MTBP: variants seen among roughly 807,000 people sequenced by gnomAD.
The protein encoded by MTBP is MDM2 binding protein, also known as mdm2-binding protein.
MTBP carries 101 observed loss-of-function variants against 117.0 expected under a neutral mutation model. The observed-to-expected ratio is 0.86, with a 90% CI of 0.73 to 1.02. MTBP has a LOEUF of 1.02. MTBP is among the 50% of genes least tolerant of loss of function. The probability of loss-of-function intolerance (pLI) is 0.00; values close to 1 mark genes in which losing one functional copy is unlikely to be tolerated. For synonymous variants in MTBP, 350 were observed against 351.5 expected (o/e 1.00, Z 0.05); for missense variants, 970 against 1,030.9 (o/e 0.94, Z 0.81).
intron 20 of MTBP, among the ~76,000 whole-genome samples, chr8:120,521,588 A>G (rs1815007979): frequency 6.6e-6 from 1 of 152,200 alleles, no homozygotes; most frequent in South Asian, 2.1e-4. Context: ...TAAATAAGGG[A>G]AAAACCTGAA....
intron 11 of MTBP, among the ~76,000 whole-genome samples, chr8:120,483,302 T>G (rs891619146): frequency 1.3e-5 from 2 of 152,122 alleles, no homozygotes; most frequent in African/African-American, 4.8e-5. Context: ...CCTCCTAAGA[T>G]GCCTACATTG....
At chr8:120,521,575 G>A (rs1371477920) in intron 20 of MTBP, among the ~76,000 whole-genome samples, 2 of 152,274 alleles carry the variant, frequency 1.3e-5, no homozygotes, top group Admixed American at 6.5e-5. Flanking sequence ...AAACATTAAG[G>A]TATAAATAAG....
chr8:120,511,641 G>A (rs13269329), intron 17 of MTBP, among the ~76,000 whole-genome samples: 80,471 of 151,948 alleles, frequency 0.53, 24,585 homozygotes, highest in Non-Finnish European at 0.67. Flanking sequence ...ATTTAAGTGG[G>A]AACATCTTGT....
chr8:120,462,987 G>C (rs1049954736), intron 9 of MTBP, among the ~76,000 whole-genome samples: 12 of 151,850 alleles, frequency 7.9e-5, no homozygotes, highest in African/African-American at 2.9e-4. Context: ...ATAATATTCA[G>C]TATACTTTTT....
At chr8:120,450,953 T>G in intron 2 of MTBP, 50 bp from the exon 3 acceptor site, 1 of 1,328,706 alleles carries the variant, frequency 7.5e-7, no homozygotes, top group Non-Finnish European at 1.1e-6. Context: ...CTGTGTCATC[T>G]GCTTATTTAT....
chr8:120,452,870 T>C (rs1813388343), intron 4 of MTBP: 1 of 151,582 alleles, frequency 6.6e-6, no homozygotes, highest in Non-Finnish European at 1.5e-5. Context: ...TATAAAAGTT[T>C]CTGATAAGTG....
chr8:120,453,872 T>A lies in MTBP; in HGVS notation c.451T>A (p.Leu151Met). ...TCTCTATGAAGAAGCTGCAGAAAATTTGCATCAGCTGTCAGACAAGCTTCC... is the reference window on the plus strand; with the variant it reads ...TCTCTATGAAGAAGCTGCAGAAAATATGCATCAGCTGTCAGACAAGCTTCC... Reference protein sequence around the residue: ...ADLYEEAAENLHQLSDKLPAP... With the variant: ...ADLYEEAAENMHQLSDKLPAP... Residue 151 changes from leucine (L) to methionine (M), a missense_variant, in exon 5 of 22, where the codon TTG becomes ATG. Leu to Met is a conservative substitution (Grantham distance 15). Coordinates refer to ENST00000305949, the MANE Select transcript of MTBP (RefSeq NM_022045.5). The A allele has an allele frequency of 6.3e-7, 1 of 1,585,200 alleles. No homozygotes were observed. Among genetic ancestry groups the A allele is most frequent in the Non-Finnish European group, 8.6e-7 (1 of 1,163,234 alleles).
chr8:120,508,006 T>C (rs1252314052), intron 16 of MTBP, among the ~76,000 whole-genome samples: 2 of 152,268 alleles, frequency 1.3e-5, no homozygotes, highest in East Asian at 3.9e-4. Context: ...TCTAGATGCA[T>C]TGTAGGGGAG....
rs570019538 is a variant in MTBP at position 120,516,973 on chromosome 8, T to C, written c.2246+782T>C. 2.0e-5 allele frequency among the ~76,000 whole-genome samples: 3 copies of C among 152,154 alleles called. No individual in the cohort carries two copies. The East Asian group carries it at 5.8e-4, about 29-fold the overall frequency. On this transcript the variant is annotated intron_variant, in intron 18 of 21. Transcript: ENST00000305949. ...GACTTTATAAATTCATGGTACTTTTTATACCTGATAAAATTAAAAAGCAGC... is the reference window on the plus strand; with the variant it reads ...GACTTTATAAATTCATGGTACTTTTCATACCTGATAAAATTAAAAAGCAGC...
intron 10 of MTBP, among the ~76,000 whole-genome samples, chr8:120,468,325 G>A (rs1586946588): frequency 6.6e-6 from 1 of 152,230 alleles, no homozygotes; most frequent in Admixed American, 6.5e-5. Context: ...TGAATTTTAA[G>A]TCATTATAAC....
intron 11 of MTBP, among the ~76,000 whole-genome samples, chr8:120,486,787 C>T (rs1814228049): frequency 6.6e-6 from 1 of 152,148 alleles, no homozygotes; most frequent in Non-Finnish European, 1.5e-5. Context: ...AAAACTAAGC[C>T]ACAACCTGCT....
intron 14 of MTBP, among the ~76,000 whole-genome samples, chr8:120,498,129 C>T (rs1387100966): frequency 1.3e-5 from 2 of 152,136 alleles, no homozygotes; most frequent in South Asian, 4.1e-4. Flanking sequence ...TCAAATCTCA[C>T]TTTTGTTACT....
chr8:120,489,014 C>A (rs933045783), intron 12 of MTBP, among the ~76,000 whole-genome samples: 16 of 147,500 alleles, frequency 1.1e-4, no homozygotes, highest in Non-Finnish European at 2.4e-4. Flanking sequence ...GGCTTCCTTA[C>A]AATATCATGG....
chr8:120,446,341 A>G, intron 1 of MTBP, 92 bp from the exon 2 acceptor site: 1 of 770,896 alleles, frequency 1.3e-6, no homozygotes, highest in South Asian at 1.4e-5. Flanking sequence ...TGTACAACCT[A>G]CTGGTCTTGA....
chr8:120,458,605 T>C (rs894578780), intron 7 of MTBP, among the ~76,000 whole-genome samples: 3 of 151,994 alleles, frequency 2.0e-5, no homozygotes, highest in African/African-American at 7.3e-5. Context: ...TTTGGGAGGC[T>C]GAGGCAGGTG....
chr8:120,517,129 C>T lies in MTBP; in HGVS notation c.2247-722C>T, dbSNP rs1814933770. On this transcript the variant is annotated intron_variant, in intron 18 of 21. Transcript: ENST00000305949. ...TCAGCAGAATTGAGGGCTATAAGAC[C>T]CTATCTTGTAAAGGGAAAAATTTGG... is the stretch of plus-strand genomic sequence containing the variant. 2.0e-5 allele frequency among the ~76,000 whole-genome samples: 3 copies of T among 151,710 alleles called. 1 individual carries two copies. Among genetic ancestry groups the T allele is most frequent in the Non-Finnish European group, 2.9e-5 (2 of 67,870 alleles).
intron 2 of MTBP, 69 bp from the exon 3 acceptor site, chr8:120,450,934 G>T: frequency 9.5e-7 from 1 of 1,053,190 alleles, no homozygotes; most frequent in Non-Finnish European, 1.5e-6. Context: ...TGTAAGTACG[G>T]TATATATGCT....
rs747432144 is a variant in MTBP, at chr8:120,522,688, T to C, written c.2645T>C (p.Met882Thr). The change falls in exon 21 of 22, where the codon ATG becomes ACG. Residue 882 changes from methionine (M) to threonine (T), a missense_variant. Coordinates refer to ENST00000305949, the MANE Select transcript of MTBP (RefSeq NM_022045.5). ...LKTSRGLFEE[M>T]KKTANNNAVQ... is the part of the protein sequence containing the mutation. The stretch of plus-strand genomic sequence containing the variant: ...ACTTCAAGGGGTCTATTTGAAGAAA[T>C]GAAGAAAACAGCAAACAACAATGCT... The C allele has an allele frequency of 1.2e-6, 2 of 1,606,870 alleles. No individual in the cohort carries two copies. The highest frequency in any genetic ancestry group is 1.1e-5 in the South Asian group (1 of 90,256).
rs1366268422 is a variant in MTBP at position 120,459,366 on chromosome 8, T to C, written c.882+17T>C. 6.3e-7 allele frequency: 1 copy of C among 1,585,800 alleles called. No homozygotes were observed. The highest frequency in any genetic ancestry group is 1.9e-5 in the Admixed American group (1 of 53,620). On this transcript the variant is annotated intron_variant, in intron 8 of 21. Transcript: ENST00000305949. Reference sequence around the variant, plus strand: ...TTGCCAAAGGTAATCGTGTTTAATTTTTTTGTGTGATCATTCATGTGTATT... The same window carrying C: ...TTGCCAAAGGTAATCGTGTTTAATTCTTTTGTGTGATCATTCATGTGTATT...
Sources: allele counts gnomAD v4.1 joint callset (sites outside exome capture counted in the v4.1 genomes callset), GRCh38; gene constraint gnomAD v4.1.1; transcripts MANE v1.5; gene names NCBI Gene and HGNC (gene_info 2026-07-23, HGNC 2026-07-21).